The following CTHRC1 variants were observed in gnomAD, a reference collection of about 807,000 sequenced individuals.
CTHRC1 encodes collagen triple helix repeat-containing protein 1.
A neutral mutation model predicts 25.9 loss-of-function variants in CTHRC1; 21 were observed. That is an observed-to-expected ratio of 0.81 (90% confidence interval 0.57 to 1.17). The LOEUF (loss-of-function observed/expected upper bound fraction) is 1.17, where lower values mean the gene tolerates loss of function less well. Among genes scored for constraint, CTHRC1 ranks in the 50% most tolerant of loss-of-function variants. The pLI is 0.00. For missense variants in CTHRC1, 281 were observed against 304.3 expected, an observed-to-expected ratio of 0.92 and a Z score of 0.57; for synonymous variants, 109 against 113.1, an observed-to-expected ratio of 0.96 and a Z score of 0.23.
At position 103,372,551 on chromosome 8, in the gene CTHRC1, T is replaced by G. The variant is rs374538050; in HGVS notation, c.150+745T>G. 1.7e-4 allele frequency: 279 copies of G among 1,598,328 alleles called. No homozygotes were observed. The African/African-American group carries it at 3.4e-3, about 19-fold the overall frequency. On this transcript the variant is annotated intron_variant, in intron 1 of 3. Coordinates refer to ENST00000330295, the MANE Select transcript of CTHRC1 (RefSeq NM_138455.4). The stretch of plus-strand genomic sequence containing the variant: ...TCATTACACACACCCTGGGTCTTCA[T>G]ATGTGGCCGCCAGGTAGGAGCATCA...
At position 103,371,660 on chromosome 8, in the gene CTHRC1, C is replaced by A. The variant is rs202192964; in HGVS notation, c.4C>A (p.Arg2=). 2.6e-6 allele frequency: 4 copies of A among 1,533,926 alleles called. No homozygotes were observed. Among genetic ancestry groups the A allele is most frequent in the Non-Finnish European group, 2.6e-6 (3 of 1,141,644 alleles). M[R]PQGPAASPQR... ...CGCTGCCCGGCAGCCGGGAGCCATG[C>A]GACCCCAGGGCCCCGCCGCCTCCCC... The change falls in exon 1 of 4, where the codon CGA becomes AGA. Residue 2 remains arginine, a synonymous_variant. Coordinates refer to ENST00000330295, the MANE Select transcript of CTHRC1 (RefSeq NM_138455.4).
In CTHRC1 at chr8:103,375,592, C is replaced by T. The variant is rs188327199; in HGVS notation, c.151-146C>T. The T allele has an allele frequency of 1.4e-3, 981 of 711,422 alleles. 1 individual carries two copies. The highest frequency in any genetic ancestry group is 2.1e-3 in the Non-Finnish European group (836 of 397,290). 44.1% of individuals were successfully genotyped at this position (711,422 alleles called of 1,614,324 possible). A position where few individuals can be genotyped will look rare whatever the true frequency, so the allele number is the denominator to read the frequency against. Reference sequence around the variant, plus strand: ...TTTAGAAATAATTTGAAAATGAATTCTCTGTAATAACTCATCTAGAACACG... The same window carrying T: ...TTTAGAAATAATTTGAAAATGAATTTTCTGTAATAACTCATCTAGAACACG... On this transcript the variant is annotated intron_variant, in intron 1 of 3. Transcript: ENST00000330295.
intron 1 of CTHRC1, chr8:103,372,466 GC>G: frequency 6.4e-7 from 1 of 1,571,586 alleles, no homozygotes; most frequent in East Asian, 2.3e-5. Flanking sequence ...AAATGAAGGG[GC>G]CCGGCGCTAA....
At position 103,371,703 on chromosome 8, in the gene CTHRC1, T is replaced by C; in HGVS notation, c.47T>C (p.Leu16Pro). ...GCCTCCCCGCAGCGGCTCCGCGGCC[T>C]CCTGCTGCTCCTGCTGCTGCAGCTG... ...PAASPQRLRGLLLLLLLQLPA... is the reference protein window; with the variant it reads ...PAASPQRLRGPLLLLLLQLPA... The change falls in exon 1 of 4, where the codon CTC (leucine) becomes CCC (proline). Residue 16 changes from leucine (L) to proline (P), a missense_variant. Leu to Pro is a moderately conservative substitution (Grantham distance 98). Coordinates refer to ENST00000330295, the MANE Select transcript of CTHRC1 (RefSeq NM_138455.4). 6.5e-7 allele frequency: 1 copy of C among 1,533,986 alleles called. No individual in the cohort carries two copies. Among genetic ancestry groups the C allele is most frequent in the Non-Finnish European group, 8.8e-7 (1 of 1,141,002 alleles).
At chr8:103,380,897 A>T (rs1815898946) in intron 3 of CTHRC1, among the ~76,000 whole-genome samples, 1 of 152,208 alleles carries the variant, frequency 6.6e-6, no homozygotes, top group Non-Finnish European at 1.5e-5. Flanking sequence ...CAACTTGGGA[A>T]GGGGACTGAA....
chr8:103,376,120 C>CAGAATTTCAGA (rs1451451961), intron 2 of CTHRC1, 161 bp downstream of exon 2: 6 of 652,980 alleles, frequency 9.2e-6, no homozygotes, highest in Non-Finnish European at 8.0e-6. Flanking sequence ...AAGTTTATAA[C>CAGAATTTCAGA]ATTTCAGAAT....
chr8:103,379,028 T>C (rs915773686), intron 3 of CTHRC1, among the ~76,000 whole-genome samples: 18 of 152,168 alleles, frequency 1.2e-4, no homozygotes, highest in African/African-American at 4.3e-4. Context: ...ATTCTAATGT[T>C]CAGCCAAAAT....
At chr8:103,372,412 A>C in intron 1 of CTHRC1, 1 of 1,460,668 alleles carries the variant, frequency 6.8e-7, no homozygotes, top group South Asian at 1.4e-5. Context: ...GGACAACCAC[A>C]GCTGGGGCTA....
intron 1 of CTHRC1, chr8:103,372,357 G>T: frequency 9.0e-7 from 1 of 1,108,368 alleles, no homozygotes. Context: ...TATGAGTCAC[G>T]TTGGGTCATC....
intron 1 of CTHRC1, among the ~76,000 whole-genome samples, chr8:103,374,037 C>T (rs192450444): frequency 3.3e-5 from 5 of 152,220 alleles, no homozygotes; most frequent in Non-Finnish European, 4.4e-5. Flanking sequence ...CTTTTTGTGT[C>T]TTTGAATACT....
At chr8:103,381,997 CAAAA>C (rs768929764) in intron 3 of CTHRC1, among the ~76,000 whole-genome samples, 1 of 121,650 alleles carries the variant, frequency 8.2e-6, no homozygotes, top group South Asian at 2.6e-4. Flanking sequence ...GATTCCATCT[CAAAA>C]AAAAAAAAAA....
intron 1 of CTHRC1, chr8:103,372,371 CT>C: frequency 7.8e-7 from 1 of 1,284,956 alleles, no homozygotes; most frequent in Non-Finnish European, 1.0e-6. Flanking sequence ...GGTCATCTTC[CT>C]AGGGAGTATG....
chr8:103,377,325 T>C (rs1815821160), intron 2 of CTHRC1: 1 of 152,642 alleles, frequency 6.6e-6, no homozygotes, highest in South Asian at 2.1e-4. Context: ...TCCATGAAGG[T>C]AGGGATTCTG....
At chr8:103,379,782 G>A (rs16870382) in intron 3 of CTHRC1, among the ~76,000 whole-genome samples, 5,078 of 152,158 alleles carry the variant, frequency 0.033, 272 homozygotes, top group African/African-American at 0.11. Context: ...ATTCTTTAGG[G>A]CTCCAAGTCA....
At chr8:103,380,341 T>C (rs968678741) in intron 3 of CTHRC1, among the ~76,000 whole-genome samples, 1 of 152,192 alleles carries the variant, frequency 6.6e-6, no homozygotes, top group Non-Finnish European at 1.5e-5. Flanking sequence ...GTGTGATCAG[T>C]TGGGTGGAGT....
chr8:103,380,724 C>A (rs1815894181), intron 3 of CTHRC1, among the ~76,000 whole-genome samples: 1 of 152,212 alleles, frequency 6.6e-6, no homozygotes, highest in Non-Finnish European at 1.5e-5. Flanking sequence ...ATGCAAGACC[C>A]AAGCTTGTCT....
In CTHRC1 at chr8:103,371,816, A is replaced by T. The variant is rs572338052; in HGVS notation, c.150+10A>T. The T allele has an allele frequency of 1.3e-6, 2 of 1,498,792 alleles. No homozygotes were observed. Among genetic ancestry groups the T allele is most frequent in the East Asian group, 2.6e-5 (1 of 37,756 alleles). 92.8% of individuals were successfully genotyped at this position (1,498,792 alleles called of 1,614,324 possible). On this transcript the variant is annotated intron_variant, in intron 1 of 3. Transcript: ENST00000330295. ...GGAGGTGGTGGACCTGGTGAGTCCG[A>T]GGGAGCCGAGCCGGGACCGCCGCGC...
At chr8:103,380,034 AC>A (rs1181151122) in intron 3 of CTHRC1, among the ~76,000 whole-genome samples, 2 of 151,982 alleles carry the variant, frequency 1.3e-5, no homozygotes, top group Non-Finnish European at 2.9e-5. Context: ...CAGATTAAAA[AC>A]CCTCTTCACT....
chr8:103,378,460 T>C (rs1182871337), intron 3 of CTHRC1, among the ~76,000 whole-genome samples: 3 of 152,206 alleles, frequency 2.0e-5, no homozygotes, highest in Non-Finnish European at 4.4e-5. Flanking sequence ...TAACGCAGAA[T>C]CTCTAGCAGT....
Sources: allele counts gnomAD v4.1 joint callset (sites outside exome capture counted in the v4.1 genomes callset), GRCh38; gene constraint gnomAD v4.1.1; transcripts MANE v1.5; gene names NCBI Gene and HGNC (gene_info 2026-07-23, HGNC 2026-07-21).